Variants in ANO7 observed in about 807,000 individuals in gnomAD.
The protein encoded by ANO7 is anoctamin-7.
ANO7 carries 114 observed loss-of-function variants against 115.8 expected under a neutral mutation model. That is an observed-to-expected ratio of 0.98 (90% CI 0.85 to 1.15). The LOEUF (loss-of-function observed/expected upper bound fraction) is 1.15. ANO7 is among the 50% of genes most tolerant of loss of function. The pLI, the probability that ANO7 is intolerant of heterozygous loss-of-function variation, is 0.00. For synonymous variants in ANO7, 550 were observed against 498.2 expected (o/e 1.10, Z -1.38); for missense variants, 1,302 against 1,201.2 (o/e 1.08, Z -1.24).
the ANO7 span, among the ~76,000 whole-genome samples, chr2:241,234,939 G>A: frequency 6.6e-6 from 1 of 152,224 alleles, no homozygotes; most frequent in Non-Finnish European, 1.5e-5. Context: ...AAGGTGCCAT[G>A]CTCTTGGCTA....
At chr2:241,196,179 T>G in intron 4 of ANO7, 1 of 1,256,362 alleles carries the variant, frequency 8.0e-7, no homozygotes, top group Non-Finnish European at 1.0e-6. Flanking sequence ...CATTTGTGTT[T>G]ATGACTCTCA....
chr2:241,229,896 G>T, downstream of ANO7: 1 of 1,596,534 alleles, frequency 6.3e-7, no homozygotes, highest in East Asian at 2.3e-5. Context: ...AAGGTGCCTT[G>T]GCCTCTTCGT....
intron 19 of ANO7, among the ~76,000 whole-genome samples, chr2:241,217,436 C>G (rs935676961): frequency 6.6e-6 from 1 of 152,250 alleles, no homozygotes; most frequent in Non-Finnish European, 1.5e-5. Context: ...CCTGAGCTCA[C>G]CGAGCCGGAG....
At position 241,209,505 on chromosome 2, in the gene ANO7, C is replaced by T; in HGVS notation, c.1229C>T (p.Pro410Leu). 1 of 1,592,764 alleles carries T rather than the reference C, an allele frequency of 6.3e-7. No homozygotes were observed. Among genetic ancestry groups the T allele is most frequent in the Non-Finnish European group, 8.6e-7 (1 of 1,169,402 alleles). The change falls in exon 13 of 25, where the codon CCT becomes CTT. Residue 410 changes from proline (P) to leucine (L), a missense_variant. Physicochemically the swap from Pro to Leu is moderately conservative, Grantham distance 98. Coordinates refer to ENST00000674324, the MANE Select transcript of ANO7 (RefSeq NM_001370694.2). ...CSDYEDTEER[P>L]RPQFAASAPM... The stretch of plus-strand genomic sequence containing the variant: ...GCACCGGCTCCCTTCCAGGAGAGGC[C>T]TCGGCCCCAGTTTGCCGCCTCAGCC...
intron 24 of ANO7, 46 bp downstream of exon 24, chr2:241,224,001 G>A (rs1021740442): frequency 1.2e-6 from 2 of 1,613,486 alleles, no homozygotes; most frequent in African/African-American, 2.7e-5. Flanking sequence ...ACTCCCTGAG[G>A]TCACAGGGCC....
chr2:241,208,888 G>A (rs890404587), intron 11 of ANO7, among the ~76,000 whole-genome samples: 8 of 152,154 alleles, frequency 5.3e-5, no homozygotes, highest in Non-Finnish European at 1.2e-4. Flanking sequence ...GGTGGCTCAC[G>A]CCTGTAATCC....
intron 6 of ANO7, among the ~76,000 whole-genome samples, chr2:241,200,515 C>T (rs2068447230): frequency 6.6e-6 from 1 of 152,250 alleles, no homozygotes; most frequent in Non-Finnish European, 1.5e-5. Context: ...GGCGCGGTAC[C>T]TGCTCACCAC....
At position 241,191,258 on chromosome 2, in the gene ANO7, C is replaced by G; in HGVS notation, c.166+7C>G. 1 of 1,613,666 alleles carries G rather than the reference C, an allele frequency of 6.2e-7. No individual in the cohort carries two copies. The highest frequency in any genetic ancestry group is 8.5e-7 in the Non-Finnish European group (1 of 1,179,870). ...CCTGCCAAGCCCCGGATCGGTGAGC[C>G]CCTCCCAGCACCTGTACCACACCCG... On this transcript the variant is annotated splice_region_variant and intron_variant, in intron 3 of 24. Transcript: ENST00000674324.
chr2:241,194,554 G>A (rs561405539), intron 3 of ANO7, among the ~76,000 whole-genome samples: 2 of 151,876 alleles, frequency 1.3e-5, no homozygotes, highest in Admixed American at 1.3e-4. Context: ...TCCTGACCTC[G>A]TGATCCACCT....
At position 241,190,162 on chromosome 2, in the gene ANO7, C is replaced by T. The variant is rs148628229; in HGVS notation, c.99C>T (p.His33=). Residue 33 remains histidine, a synonymous_variant, in exon 2 of 25, where the codon CAC becomes CAT. Transcript: ENST00000674324. ...EKRGSYGSTA[H]ASEPGGQQAA... ...GGGGCTCTTACGGGAGCACAGCCCA[C>T]GCCTCGGAGGTAACAGCACCCAGGA... 1.0e-4 allele frequency: 158 copies of T among 1,562,002 alleles called. 1 individual carries two copies. The highest frequency in any genetic ancestry group is 7.4e-4 in the African/African-American group (55 of 73,838).
chr2:241,206,907 T>C (rs1181939447), intron 10 of ANO7, among the ~76,000 whole-genome samples: 1,965 of 40,204 alleles, frequency 0.049, no homozygotes, highest in Middle Eastern at 0.091. Context: ...TGCTCCCAGG[T>C]TGACACAAGT....
chr2:241,199,790 G>A (rs888881992), intron 5 of ANO7, among the ~76,000 whole-genome samples: 3 of 152,214 alleles, frequency 2.0e-5, no homozygotes, highest in Non-Finnish European at 4.4e-5. Flanking sequence ...GCCTCCCACC[G>A]CACTGGCTGG....
Position 241,212,411 on chromosome 2 carries a change from G to T in ANO7, c.1674-161G>T, listed in dbSNP as rs116318626. Among the ~76,000 whole-genome samples, 2,094 of 152,316 alleles carry T rather than the reference G, an allele frequency of 0.014. 21 individuals are homozygous for T. The highest frequency in any genetic ancestry group is 0.023 in the Non-Finnish European group (1,573 of 68,012). On this transcript the variant is annotated intron_variant, in intron 16 of 24. Coordinates refer to ENST00000674324, the MANE Select transcript of ANO7 (RefSeq NM_001370694.2). ...CCACCTCTTGGTCCCTACCCAGCTC[G>T]GGGGTCCACAGGAGGCCCAGCTCAC... is the stretch of plus-strand genomic sequence containing the variant.
At chr2:241,205,887 C>T (rs2068581337) in intron 10 of ANO7, among the ~76,000 whole-genome samples, 1 of 65,022 alleles carries the variant, frequency 1.5e-5, no homozygotes, top group Non-Finnish European at 2.9e-5. Flanking sequence ...TGCTACCAGG[C>T]TGACACAGGT....
At chr2:241,239,009 G>A in the ANO7 span, among the ~76,000 whole-genome samples, 10 of 152,210 alleles carry the variant, frequency 6.6e-5, no homozygotes, top group African/African-American at 2.4e-4. This position sits in a 1 kb window ranked among gnomAD's most constrained non-coding sequence, Gnocchi z 4.6. Context: ...CAGAAGGCCA[G>A]GTGCCATCCC....
chr2:241,220,138 G>A (rs1455490068), intron 21 of ANO7, among the ~76,000 whole-genome samples: 3 of 152,026 alleles, frequency 2.0e-5, no homozygotes, highest in African/African-American at 4.8e-5. Flanking sequence ...TGCCTTCTCC[G>A]AGTCTTTTTT....
At position 241,191,174 on chromosome 2, in the gene ANO7, C is replaced by T; in HGVS notation, c.109-20C>T. ...CAGATGCTGATGCTGATATGCTTCT[C>T]CATCCTCCATGCCTTCCAGCCAGGT... On this transcript the variant is annotated intron_variant, in intron 2 of 24. Coordinates refer to ENST00000674324, the MANE Select transcript of ANO7 (RefSeq NM_001370694.2). 1 of 1,613,034 alleles carries T rather than the reference C, an allele frequency of 6.2e-7. No individual in the cohort carries two copies. The highest frequency in any genetic ancestry group is 8.5e-7 in the Non-Finnish European group (1 of 1,179,166).
At chr2:241,191,149 C>T (rs1402485139) in intron 2 of ANO7, 45 bp from the exon 3 acceptor site, 5 of 1,610,006 alleles carry the variant, frequency 3.1e-6, no homozygotes, top group African/African-American at 1.3e-5. Flanking sequence ...TTGTCGAGGG[C>T]AGATGCTGAT....
Position 241,216,189 on chromosome 2 carries a change from C to T in ANO7, c.1923C>T (p.Asp641=). The change falls in exon 19 of 25, where the codon GAC becomes GAT. Residue 641 remains aspartate (D), a synonymous_variant. Transcript: ENST00000674324. ...AGASQGPWED[D]YELVPCEGLF... The stretch of plus-strand genomic sequence containing the variant: ...CTAGCCAGGGGCCCTGGGAGGACGA[C>T]TATGAGCTTGTGCCCTGTGAGGGTC... The T allele has an allele frequency of 6.2e-7, 1 of 1,612,866 alleles. No individual in the cohort carries two copies. Among genetic ancestry groups the T allele is most frequent in the Non-Finnish European group, 8.5e-7 (1 of 1,179,752 alleles).
Sources: allele counts gnomAD v4.1 joint callset (sites outside exome capture counted in the v4.1 genomes callset), GRCh38; gene constraint gnomAD v4.1.1; non-coding constraint Gnocchi (gnomAD v3.1); transcripts MANE v1.5; gene names NCBI Gene and HGNC (gene_info 2026-07-23, HGNC 2026-07-21).